The following TUT7 variants were observed in gnomAD, a reference collection of about 807,000 sequenced individuals.
The protein encoded by TUT7 is terminal uridylyltransferase 7.
A neutral mutation model predicts 165.9 loss-of-function variants in TUT7; 33 were observed. That is an observed-to-expected ratio of 0.20 (90% CI 0.15 to 0.27). TUT7 has a LOEUF of 0.27. Among genes scored for constraint, TUT7 ranks in the 10% least tolerant of loss-of-function variants. The pLI, the probability that TUT7 is intolerant of heterozygous loss-of-function variation, is 1.00. For missense variants in TUT7, 1,338 were observed against 1,762.3 expected, an observed-to-expected ratio of 0.76 and a Z score of 4.31; for synonymous variants, 552 against 608.1, an observed-to-expected ratio of 0.91 and a Z score of 1.36.
chr9:86,321,817 G>T (rs1181240186), intron 14 of TUT7, among the ~76,000 whole-genome samples: 3 of 152,130 alleles, frequency 2.0e-5, no homozygotes, highest in African/African-American at 7.2e-5. Flanking sequence ...AGTACAGAAG[G>T]CACTTGATAT....
At chr9:86,330,231 T>A (rs1457519061) in intron 10 of TUT7, among the ~76,000 whole-genome samples, 6 of 151,976 alleles carry the variant, frequency 3.9e-5, no homozygotes, top group Non-Finnish European at 7.4e-5. Flanking sequence ...CTAATTTTTT[T>A]ATATTTTTTT....
chr9:86,339,169 C>T (rs931957997), intron 8 of TUT7, among the ~76,000 whole-genome samples: 7 of 151,960 alleles, frequency 4.6e-5, no homozygotes, highest in Admixed American at 1.3e-4. Flanking sequence ...CTTTATTTTT[C>T]GGATTAATAA....
intron 17 of TUT7, among the ~76,000 whole-genome samples, chr9:86,315,586 T>G (rs1279907990): frequency 6.6e-6 from 1 of 152,216 alleles, no homozygotes; most frequent in Non-Finnish European, 1.5e-5. Context: ...TCTAGCTCAG[T>G]ACTAAAAAAT....
intron 17 of TUT7, among the ~76,000 whole-genome samples, chr9:86,316,486 G>T (rs906458333): frequency 7.1e-4 from 108 of 152,190 alleles, no homozygotes; most frequent in African/African-American, 2.5e-3. Flanking sequence ...TATACAGCTT[G>T]TTGAGCAGAA....
At chr9:86,325,265 AAGC>A in intron 12 of TUT7, 66 bp downstream of exon 12, 1 of 1,451,016 alleles carries the variant, frequency 6.9e-7, no homozygotes, top group Non-Finnish European at 9.5e-7. Context: ...CTGAAATAAA[AAGC>A]ATGCTGTTAG....
At chr9:86,339,157 A>C (rs910122231) in intron 8 of TUT7, among the ~76,000 whole-genome samples, 2 of 152,218 alleles carry the variant, frequency 1.3e-5, no homozygotes, top group Admixed American at 1.3e-4. Flanking sequence ...TTTCTGAGTA[A>C]ACTTTATTTT....
chr9:86,307,665 A>C (rs1827636473), intron 22 of TUT7, among the ~76,000 whole-genome samples: 1 of 152,238 alleles, frequency 6.6e-6, no homozygotes, highest in African/African-American at 2.4e-5. Flanking sequence ...AACTATTAGC[A>C]TCAATGGCTC....
rs1194166207 is a variant in TUT7 at position 86,340,933 on chromosome 9, T to C, written c.1138+69A>G. 4.8e-6 allele frequency: 6 copies of C among 1,245,868 alleles called. No individual in the cohort carries two copies. The African/African-American group carries it at 7.5e-5, about 16-fold the overall frequency. The allele number at this position is 1,245,868 out of a possible 1,614,324, so 77.2% of individuals were successfully genotyped here. A position where few individuals can be genotyped will look rare whatever the true frequency, so the allele number is the denominator to read the frequency against. ...AAAGCATGCCTTGCTATTTTCAAAG[T>C]TTGAGAAATAAGATAGATCCAAATT... On this transcript the variant is annotated intron_variant, in intron 7 of 26. Transcript: ENST00000375963.
At chr9:86,332,511 CAAAG>C (rs1830414398) in intron 10 of TUT7, among the ~76,000 whole-genome samples, 1 of 151,986 alleles carries the variant, frequency 6.6e-6, no homozygotes, top group Non-Finnish European at 1.5e-5. Context: ...CTCATGGACA[CAAAG>C]AAGGGAACAA....
intron 9 of TUT7, among the ~76,000 whole-genome samples, chr9:86,338,288 T>A (rs1831009953): frequency 6.6e-6 from 1 of 151,342 alleles, no homozygotes; most frequent in African/African-American, 2.4e-5. Context: ...CTTGGCTTAC[T>A]GCAACCTGTA....
rs200778094 is a variant in TUT7 at position 86,303,819 on chromosome 9, C to CA, written c.3979-619dup. 2.0e-5 allele frequency among the ~76,000 whole-genome samples: 3 copies of CA among 152,322 alleles called. No individual in the cohort carries two copies. The East Asian group carries it at 5.8e-4, about 29-fold the overall frequency. On this transcript the variant is annotated intron_variant, in intron 24 of 26. Transcript: ENST00000375963. ...TGCTGAATCAGAATCTGCACTTTAA[C>CA]AAAATCCTCAGGTGATTTGTTCGAA...
chr9:86,322,101 A>T (rs997812391), intron 14 of TUT7, among the ~76,000 whole-genome samples: 6 of 152,008 alleles, frequency 3.9e-5, no homozygotes, highest in Admixed American at 1.3e-4. Flanking sequence ...ATTTTTTTTT[A>T]AATAAAAAAG....
chr9:86,299,086 C>T (rs1937046698), intron 26 of TUT7, among the ~76,000 whole-genome samples: 1 of 152,062 alleles, frequency 6.6e-6, no homozygotes, highest in Non-Finnish European at 1.5e-5. Flanking sequence ...GAAGGAGGGC[C>T]CGCACTGCCA....
At chr9:86,309,384 C>T (rs927605679) in intron 20 of TUT7, 79 bp downstream of exon 20, 1 of 1,461,308 alleles carries the variant, frequency 6.8e-7, no homozygotes, top group Non-Finnish European at 9.4e-7. Context: ...AACTACAGAA[C>T]CACAGAATTT....
chr9:86,320,153 G>A (rs1325626936), intron 14 of TUT7, among the ~76,000 whole-genome samples: 1 of 150,366 alleles, frequency 6.7e-6, no homozygotes, highest in African/African-American at 2.4e-5. Context: ...TCACCACCCC[G>A]CTAAAGTGTG....
intron 6 of TUT7, among the ~76,000 whole-genome samples, chr9:86,341,734 G>C (rs192830817): frequency 6.6e-6 from 1 of 151,826 alleles, no homozygotes; most frequent in African/African-American, 2.4e-5. Flanking sequence ...TTTCCCTCCC[G>C]TTTCCCCCTC....
At position 86,311,890 on chromosome 9, in the gene TUT7, G is replaced by A. The variant is rs912100718; in HGVS notation, c.3275-1081C>T. 1.4e-4 allele frequency among the ~76,000 whole-genome samples: 21 copies of A among 152,356 alleles called. No individual in the cohort carries two copies. The East Asian group carries it at 2.9e-3, about 21-fold the overall frequency. The stretch of plus-strand genomic sequence containing the variant: ...GCCAGCCTTGGCCTCCGGAGGTGCC[G>A]GGATTGCAGACGGAGTCTCGTTCAC... On this transcript the variant is annotated intron_variant, in intron 17 of 26. Coordinates refer to ENST00000375963, the MANE Select transcript of TUT7 (RefSeq NM_024617.4). This position sits in a 1 kb window ranked among gnomAD's most constrained non-coding sequence, Gnocchi z 4.4.
intron 15 of TUT7, 109 bp downstream of exon 15, chr9:86,319,475 C>T: frequency 1.3e-6 from 1 of 795,958 alleles, no homozygotes. Flanking sequence ...GGGTATATTG[C>T]AAAACAATGG....
At chr9:86,319,104 T>C in intron 15 of TUT7, 46 bp from the exon 16 acceptor site, 1 of 1,401,710 alleles carries the variant, frequency 7.1e-7, no homozygotes, top group Non-Finnish European at 9.9e-7. Context: ...CTGAGTACAT[T>C]TAATTTTTGA....
Sources: gnomAD v4.1 joint callset for allele counts (sites outside exome capture counted in the v4.1 genomes callset) on GRCh38, gnomAD v4.1.1 for gene constraint, Gnocchi (gnomAD v3.1) non-coding constraint, MANE v1.5 for transcripts, NCBI Gene and HGNC (gene_info 2026-07-23, HGNC 2026-07-21) for gene names.